Variants in BTBD17 observed in about 807,000 individuals in gnomAD.
BTBD17 encodes the protein BTB/POZ domain-containing protein 17.
BTBD17 carries 26 observed loss-of-function variants against 36.9 expected under a neutral mutation model. That is an observed-to-expected ratio of 0.70 (90% CI 0.52 to 0.98). The LOEUF is 0.98. BTBD17 is among the 50% of genes least tolerant of loss of function. BTBD17 has a pLI of 0.00. For missense variants in BTBD17, 630 were observed against 691.3 expected (o/e 0.91, Z 0.99); for synonymous variants, 341 against 338.0 (o/e 1.01, Z -0.10).
rs1409893467 is a variant in BTBD17 at position 74,357,336 on chromosome 17, C to T, written c.758G>A (p.Arg253His). ...TGGGATCATGGGGTAGCGTATGGCG[C>T]GCAGCGCCCGCTCGGCCACGGCAGG... ...PPPAVAERAL[R>H]AIRYPMIPPA... The change falls in exon 3 of 3, where the codon CGC becomes CAC. Residue 253 changes from arginine to histidine, a missense_variant. Arg to His is a conservative substitution (Grantham distance 29). Transcript: ENST00000375366. This position sits in a 1 kb window ranked among gnomAD's most constrained non-coding sequence, Gnocchi z 8.4. The T allele has an allele frequency of 6.4e-7, 1 of 1,551,818 alleles. No homozygotes were observed. Among genetic ancestry groups the T allele is most frequent in the African/African-American group, 1.4e-5 (1 of 72,228 alleles).
Position 74,357,175 on chromosome 17 carries a change from T to A in BTBD17, c.919A>T (p.Asn307Tyr). The change falls in exon 3 of 3, where the codon AAC (asparagine) becomes TAC (tyrosine). Residue 307 changes from asparagine (N) to tyrosine (Y), a missense_variant. Transcript: ENST00000375366. This position sits in a 1 kb window ranked among gnomAD's most constrained non-coding sequence, Gnocchi z 8.4. The part of the protein sequence containing the change: ...PLHYAKFFDV[N>Y]GSAFLPRNYL... ...TTGCGGGGCAGGAAGGCGCTGCCGT[T>A]GACGTCGAAGAACTTGGCGTAGTGC... 6.4e-7 allele frequency: 1 copy of A among 1,553,522 alleles called. No homozygotes were observed. Among genetic ancestry groups the A allele is most frequent in the South Asian group, 1.2e-5 (1 of 83,894 alleles).
In BTBD17 at chr17:74,356,966, G is replaced by A. The variant is rs974336878; in HGVS notation, c.1128C>T (p.Ala376=). The A allele has an allele frequency of 5.5e-6, 8 of 1,442,418 alleles. No homozygotes were observed. The South Asian group carries it at 7.0e-5, about 13-fold the overall frequency. 89.4% of individuals were successfully genotyped at this position (1,442,418 alleles called of 1,614,324 possible). ...GCGCGGCGGGCAGAGCAGTGCCCGC[G>A]GCGTCCGCGTAAACGGGCCGCAGGC... ...PVSLRPVYAD[A]AGTALPAARP... is the part of the protein sequence containing the mutation. Residue 376 remains alanine, a synonymous_variant, in exon 3 of 3, where the codon GCC becomes GCT. Transcript: ENST00000375366. The surrounding 1 kb of genome is among the most constrained non-coding windows in gnomAD (Gnocchi z 4.3).
rs1236562105 is a variant in BTBD17 at position 74,357,482 on chromosome 17, C to T, written c.612G>A (p.Glu204=). The change falls in exon 3 of 3, where the codon GAG becomes GAA. Residue 204 remains glutamate, a synonymous_variant. Coordinates refer to ENST00000375366, the MANE Select transcript of BTBD17 (RefSeq NM_001080466.2). The surrounding 1 kb of genome is among the most constrained non-coding windows in gnomAD (Gnocchi z 8.4). ...GCAGCTCGGGGCTCACGGCGCCCCA[C>T]TCGGTGCTGGCCGCCACGGCCGACA... ...WNLSAVAAST[E]WGAVSPELLW... The T allele has an allele frequency of 4.5e-6, 7 of 1,572,594 alleles. No individual in the cohort carries two copies. The highest frequency in any genetic ancestry group is 1.1e-5 in the South Asian group (1 of 87,508).
In BTBD17 at chr17:74,356,428, A is replaced by G; in HGVS notation, c.*229T>C. Reference sequence around the variant, plus strand: ...GTTCAATCATCCCTTTACCACTCTGAGCATCGGTTTATTCAGGACCAAGAA... The same window carrying G: ...GTTCAATCATCCCTTTACCACTCTGGGCATCGGTTTATTCAGGACCAAGAA... On this transcript the variant is annotated 3_prime_UTR_variant, in exon 3 of 3. Transcript: ENST00000375366. The surrounding 1 kb of genome is among the most constrained non-coding windows in gnomAD (Gnocchi z 4.3). 2 of 638,990 alleles carry G rather than the reference A, an allele frequency of 3.1e-6. No homozygotes were observed. The highest frequency in any genetic ancestry group is 2.2e-6 in the Non-Finnish European group (1 of 445,650). The allele number at this position is 638,990 out of a possible 1,614,324, so 39.6% of individuals were successfully genotyped here. A position where few individuals can be genotyped will look rare whatever the true frequency, so the allele number is the denominator to read the frequency against.
chr17:74,357,867 C>G lies in BTBD17; in HGVS notation c.363-136G>C. ...GGTGCAAACACAGTGGAAGCCCCAC[C>G]CTGAGGCTTCCCATGTTTTCCTTTC... On this transcript the variant is annotated intron_variant, in intron 2 of 2. Coordinates refer to ENST00000375366, the MANE Select transcript of BTBD17 (RefSeq NM_001080466.2). This position sits in a 1 kb window ranked among gnomAD's most constrained non-coding sequence, Gnocchi z 8.4. 4.8e-6 allele frequency: 3 copies of G among 620,836 alleles called. No individual in the cohort carries two copies. The highest frequency in any genetic ancestry group is 8.1e-6 in the Non-Finnish European group (3 of 371,366). 38.5% of individuals were successfully genotyped at this position (620,836 alleles called of 1,614,324 possible). A position where few individuals can be genotyped will look rare whatever the true frequency, so the allele number is the denominator to read the frequency against.
chr17:74,363,151 C>T (rs2054951474), upstream of BTBD17, among the ~76,000 whole-genome samples: 2 of 152,210 alleles, frequency 1.3e-5, no homozygotes, highest in Admixed American at 6.5e-5. Context: ...TTAAATCTTC[C>T]TCTCCCTGGC....
At position 74,357,318 on chromosome 17, in the gene BTBD17, A is replaced by G. The variant is rs1442475371; in HGVS notation, c.776T>C (p.Met259Thr). Residue 259 changes from methionine (M) to threonine (T), a missense_variant, in exon 3 of 3, where the codon ATG becomes ACG. Met to Thr is a moderately conservative substitution (Grantham distance 81). Transcript: ENST00000375366. The surrounding 1 kb of genome is among the most constrained non-coding windows in gnomAD (Gnocchi z 8.4). The stretch of plus-strand genomic sequence containing the variant: ...CTGGAACAGCTGTGCCGGTGGGATC[A>G]TGGGGTAGCGTATGGCGCGCAGCGC... ...ERALRAIRYP[M>T]IPPAQLFQLQ... is the part of the protein sequence containing the mutation. 3.2e-6 allele frequency: 5 copies of G among 1,559,516 alleles called. No homozygotes were observed. Among genetic ancestry groups the G allele is most frequent in the Non-Finnish European group, 4.3e-6 (5 of 1,158,804 alleles).
At position 74,357,584 on chromosome 17, in the gene BTBD17, C is replaced by T; in HGVS notation, c.510G>A (p.Val170=). 6.5e-7 allele frequency: 1 copy of T among 1,550,032 alleles called. No individual in the cohort carries two copies. Among genetic ancestry groups the T allele is most frequent in the Non-Finnish European group, 8.7e-7 (1 of 1,154,030 alleles). ...AHLAGGAGPA[V]GWYHYAVGTG... Reference sequence around the variant, plus strand: ...TGCCCACCGCGTAGTGGTACCAGCCCACCGCCGGGCCCGCGCCTCCCGCCA... The same window carrying T: ...TGCCCACCGCGTAGTGGTACCAGCCTACCGCCGGGCCCGCGCCTCCCGCCA... The change falls in exon 3 of 3, where the codon GTG becomes GTA. Residue 170 remains valine (V), a synonymous_variant. Coordinates refer to ENST00000375366, the MANE Select transcript of BTBD17 (RefSeq NM_001080466.2). This position sits in a 1 kb window ranked among gnomAD's most constrained non-coding sequence, Gnocchi z 8.4.
chr17:74,360,819 C>T (rs916522468), intron 1 of BTBD17, among the ~76,000 whole-genome samples: 8 of 152,152 alleles, frequency 5.3e-5, no homozygotes, highest in African/African-American at 1.9e-4. Context: ...ATAAGCACTC[C>T]AGTTTTAAAG....
rs751003324 is a variant in BTBD17 at position 74,357,104 on chromosome 17, C to A, written c.990G>T (p.Pro330=). The A allele has an allele frequency of 4.5e-5, 69 of 1,520,516 alleles. 1 individual carries two copies. The highest frequency in any genetic ancestry group is 6.6e-5 in the Admixed American group (3 of 45,424). 94.2% of individuals were successfully genotyped at this position (1,520,516 alleles called of 1,614,324 possible). A position where few individuals can be genotyped will look rare whatever the true frequency, so the allele number is the denominator to read the frequency against. Residue 330 remains proline, a synonymous_variant, in exon 3 of 3, where the codon CCG becomes CCT. Coordinates refer to ENST00000375366, the MANE Select transcript of BTBD17 (RefSeq NM_001080466.2). The surrounding 1 kb of genome is among the most constrained non-coding windows in gnomAD (Gnocchi z 8.4). ...AWGAPWVINN[P]ARDDRSTSFQ... ...AGCTGGTGCTGCGGTCGTCGCGGGC[C>A]GGGTTGTTGATGACCCACGGGGCGC...
At chr17:74,362,034 G>A, upstream of BTBD17, 1 of 534,376 alleles carries the variant, frequency 1.9e-6, no homozygotes, top group Non-Finnish European at 3.4e-6. Flanking sequence ...CAGCCCCGGG[G>A]GCTATTGTGC....
Position 74,357,684 on chromosome 17 carries a change from G to C in BTBD17, c.410C>G (p.Pro137Arg). Residue 137 changes from proline to arginine, a missense_variant, in exon 3 of 3, where the codon CCC (proline) becomes CGC (arginine). Transcript: ENST00000375366. The surrounding 1 kb of genome is among the most constrained non-coding windows in gnomAD (Gnocchi z 8.4). ...GTACTTGGTGGCCAGTCTGTGCAGG[G>C]GGATGGCCTGGGTCAGCAGCACGGT... ...ELTVLLTQAI[P>R]LHRLATKYGV... The C allele has an allele frequency of 6.5e-7, 1 of 1,548,326 alleles. No homozygotes were observed. The highest frequency in any genetic ancestry group is 8.7e-7 in the Non-Finnish European group (1 of 1,147,720).
chr17:74,356,860 T>C lies in BTBD17; in HGVS notation c.1234A>G (p.Thr412Ala), dbSNP rs1250298367. The change falls in exon 3 of 3, where the codon ACG becomes GCG. Residue 412 changes from threonine (T) to alanine (A), a missense_variant. Coordinates refer to ENST00000375366, the MANE Select transcript of BTBD17 (RefSeq NM_001080466.2). The surrounding 1 kb of genome is among the most constrained non-coding windows in gnomAD (Gnocchi z 4.3). ...TGCTGGCGCGCCCCCACCAGCACCG[T>C]CTTCTGGAAGCTCACGCCCGCCGCG... ...GDAAGVSFQK[T>A]VLVGARQQGR... The C allele has an allele frequency of 2.6e-6, 4 of 1,535,702 alleles. No individual in the cohort carries two copies. Among genetic ancestry groups the C allele is most frequent in the Non-Finnish European group, 3.5e-6 (4 of 1,151,010 alleles).
At position 74,361,816 on chromosome 17, in the gene BTBD17, G is replaced by T; in HGVS notation, c.4C>A (p.Pro2Thr). The change falls in exon 1 of 3, where the codon CCT becomes ACT. Residue 2 changes from proline (P) to threonine (T), a missense_variant. Transcript: ENST00000375366. Reference protein sequence around the residue: MPRRGYSKPGSW... With the variant: MTRRGYSKPGSW... ...CCAGGCTTGGAGTAGCCTCTCCTAG[G>T]CATCTTTATGCTCAGCCCCCAAGTC... 2 of 1,613,456 alleles carry T rather than the reference G, an allele frequency of 1.2e-6. No individual in the cohort carries two copies. The highest frequency in any genetic ancestry group is 1.7e-6 in the Non-Finnish European group (2 of 1,179,552).
In BTBD17 at chr17:74,359,958, C is replaced by T. The variant is rs201361705; in HGVS notation, c.362+11G>A. Reference sequence around the variant, plus strand: ...GGGATGAAGCCATCCCCTAGTCTTCCGCGTCCCCACCTGATGAACTTGTCG... The same window carrying T: ...GGGATGAAGCCATCCCCTAGTCTTCTGCGTCCCCACCTGATGAACTTGTCG... On this transcript the variant is annotated intron_variant, in intron 2 of 2. Coordinates refer to ENST00000375366, the MANE Select transcript of BTBD17 (RefSeq NM_001080466.2). 376 of 1,600,656 alleles carry T rather than the reference C, an allele frequency of 2.3e-4. 1 individual carries two copies. The highest frequency in any genetic ancestry group is 8.1e-4 in the South Asian group (73 of 90,596).
upstream of BTBD17, among the ~76,000 whole-genome samples, chr17:74,362,326 G>T (rs2054945907): frequency 6.6e-6 from 1 of 152,156 alleles, no homozygotes; most frequent in African/African-American, 2.4e-5. Context: ...AGGAGAGGCG[G>T]CTGAGGCTCC....
rs1411162280 is a variant in BTBD17, at chr17:74,359,952, G to C, written c.362+17C>G. 2 of 1,598,606 alleles carry C rather than the reference G, an allele frequency of 1.3e-6. No individual in the cohort carries two copies. Among genetic ancestry groups the C allele is most frequent in the South Asian group, 1.1e-5 (1 of 90,480 alleles). On this transcript the variant is annotated intron_variant, in intron 2 of 2. Transcript: ENST00000375366. Reference sequence around the variant, plus strand: ...GAGGAAGGGATGAAGCCATCCCCTAGTCTTCCGCGTCCCCACCTGATGAAC... The same window carrying C: ...GAGGAAGGGATGAAGCCATCCCCTACTCTTCCGCGTCCCCACCTGATGAAC...
chr17:74,356,990 G>T lies in BTBD17; in HGVS notation c.1104C>A (p.Ser368Arg), dbSNP rs1397753064. ...CGGCGTCCGCGTAAACGGGCCGCAGGCTGACGGGCAGCCAGCGCGGCGAGA... is the reference window on the plus strand; with the variant it reads ...CGGCGTCCGCGTAAACGGGCCGCAGTCTGACGGGCAGCCAGCGCGGCGAGA... ...VLFSPRWLPV[S>R]LRPVYADAAG... Residue 368 changes from serine (S) to arginine (R), a missense_variant, in exon 3 of 3, where the codon AGC (serine) becomes AGA (arginine). Ser to Arg is a moderately radical substitution (Grantham distance 110). Coordinates refer to ENST00000375366, the MANE Select transcript of BTBD17 (RefSeq NM_001080466.2). This position sits in a 1 kb window ranked among gnomAD's most constrained non-coding sequence, Gnocchi z 4.3. 6 of 1,477,700 alleles carry T rather than the reference G, an allele frequency of 4.1e-6. No homozygotes were observed. Among genetic ancestry groups the T allele is most frequent in the Non-Finnish European group, 5.3e-6 (6 of 1,124,488 alleles). The allele number at this position is 1,477,700 out of a possible 1,614,324, so 91.5% of individuals were successfully genotyped here. A position where few individuals can be genotyped will look rare whatever the true frequency, so the allele number is the denominator to read the frequency against.
chr17:74,362,902 C>G (rs931373662), upstream of BTBD17, among the ~76,000 whole-genome samples: 2 of 151,998 alleles, frequency 1.3e-5, no homozygotes, highest in Non-Finnish European at 2.9e-5. Context: ...GAGGAGTGCT[C>G]TTCTAAAAAC....
Sources: gnomAD v4.1 joint callset for allele counts (sites outside exome capture counted in the v4.1 genomes callset) on GRCh38, gnomAD v4.1.1 for gene constraint, Gnocchi (gnomAD v3.1) non-coding constraint, MANE v1.5 for transcripts, NCBI Gene and HGNC (gene_info 2026-07-23, HGNC 2026-07-21) for gene names.